HEXB: variants seen among roughly 807,000 people sequenced by gnomAD.
The protein encoded by HEXB is beta-hexosaminidase subunit beta.
A neutral mutation model predicts 71.2 loss-of-function variants in HEXB; 51 were observed. The observed-to-expected ratio is 0.72, with a 90% CI of 0.57 to 0.90. The LOEUF (loss-of-function observed/expected upper bound fraction) is 0.90, where lower values mean the gene tolerates loss of function less well. Among genes scored for constraint, HEXB ranks in the 40% least tolerant of loss-of-function variants. The probability of loss-of-function intolerance (pLI) is 0.00; values close to 1 mark genes in which losing one functional copy is unlikely to be tolerated. For missense variants in HEXB, 617 were observed against 677.0 expected (o/e 0.91, Z 0.98); for synonymous variants, 266 against 249.3 (o/e 1.07, Z -0.63).
At chr5:74,685,171 G>T, upstream of HEXB, 10 of 1,352,466 alleles carry the variant, frequency 7.4e-6, no homozygotes, top group Non-Finnish European at 8.6e-6. Context: ...TGACTCACCC[G>T]CGGCCGCGCT....
intron 1 of HEXB, chr5:74,640,716 C>T (rs1430143917): frequency 6.6e-6 from 1 of 152,558 alleles, no homozygotes; most frequent in East Asian, 1.9e-4. Context: ...CTCCGGCTGC[C>T]AGAGCAGTCT....
chr5:74,718,141 T>A, intron 9 of HEXB, 150 bp from the exon 10 acceptor site: 1 of 650,482 alleles, frequency 1.5e-6, no homozygotes, highest in Non-Finnish European at 2.8e-6. Context: ...CTTGTGACAC[T>A]TCCCAACTTG....
intron 1 of HEXB, among the ~76,000 whole-genome samples, chr5:74,656,662 T>C (rs1027752828): frequency 1.1e-4 from 16 of 152,204 alleles, no homozygotes; most frequent in Non-Finnish European, 1.8e-4. Context: ...TGTAGTGCAG[T>C]GGCATGATCT....
chr5:74,696,799 T>G (rs1396186111), intron 4 of HEXB, 60 bp downstream of exon 4: 1 of 909,366 alleles, frequency 1.1e-6, no homozygotes, highest in African/African-American at 1.7e-5. Context: ...TAGAAAAAAA[T>G]GTAACCTGTT....
intron 11 of HEXB, among the ~76,000 whole-genome samples, chr5:74,719,748 C>G (rs1749773387): frequency 6.6e-6 from 1 of 152,034 alleles, no homozygotes; most frequent in South Asian, 2.1e-4. Flanking sequence ...TCAAGACCAG[C>G]CTGCCTAAGA....
intron 2 of HEXB, 155 bp from the exon 3 acceptor site, chr5:74,693,484 C>A: frequency 1.4e-6 from 1 of 696,020 alleles, no homozygotes; most frequent in East Asian, 2.7e-5. Context: ...TGCAGGACAT[C>A]CAAATGGAGA....
At chr5:74,683,449 G>A (rs1459390888), upstream of HEXB, among the ~76,000 whole-genome samples, 8 of 152,090 alleles carry the variant, frequency 5.3e-5, no homozygotes, top group South Asian at 6.2e-4. Context: ...GATTACGGGC[G>A]TGTGCCAGCA....
At chr5:74,676,724 C>T (rs545229463) in intron 1 of HEXB, among the ~76,000 whole-genome samples, 2 of 152,016 alleles carry the variant, frequency 1.3e-5, no homozygotes, top group African/African-American at 2.4e-5. Context: ...TGAGATTGCA[C>T]CACTTCACTC....
At chr5:74,720,905 G>GACTT (rs1444438742) in intron 13 of HEXB, 158 bp downstream of exon 13, 1 of 779,480 alleles carries the variant, frequency 1.3e-6, no homozygotes, top group Non-Finnish European at 2.2e-6. Flanking sequence ...GATATATTCA[G>GACTT]ACTTGTGACT....
intron 2 of HEXB, among the ~76,000 whole-genome samples, chr5:74,693,013 A>G (rs188435930): frequency 1.3e-5 from 2 of 152,342 alleles, no homozygotes; most frequent in East Asian, 1.9e-4. Context: ...ACAAAGCTGA[A>G]TTATTTTTAT....
intron 8 of HEXB, 128 bp from the exon 9 acceptor site, chr5:74,716,456 GCTT>G (rs1369475150): frequency 1.7e-6 from 1 of 591,942 alleles, no homozygotes. Flanking sequence ...AAGTTTTTAG[GCTT>G]CTTTTTACTA....
Position 74,661,998 on chromosome 5 carries a change from G to A in HEXB, c.-377+21440G>A, listed in dbSNP as rs987705842. Among the ~76,000 whole-genome samples the A allele has an allele frequency of 2.6e-5, 4 of 152,142 alleles. No individual in the cohort carries two copies. In the East Asian group the frequency reaches 7.7e-4, roughly 29 times the overall value. The stretch of plus-strand genomic sequence containing the variant: ...CTTTATGACAACCCTACGATTACGA[G>A]AGGAATAGATACTCTTTCCAGAATG... On this transcript the variant is annotated intron_variant, in intron 1 of 13. Transcript: ENST00000511181.
chr5:74,685,004 C>T (rs1748821820), upstream of HEXB: 1 of 494,190 alleles, frequency 2.0e-6, no homozygotes. Flanking sequence ...TTACTTTAGC[C>T]ATCCCGTGTT....
chr5:74,652,331 T>C lies in HEXB; in HGVS notation c.-377+11773T>C, dbSNP rs1748128835. Among the ~76,000 whole-genome samples the C allele has an allele frequency of 6.6e-6, 1 of 152,074 alleles. No individual in the cohort carries two copies. On this transcript the variant is annotated intron_variant, in intron 1 of 13. Transcript: ENST00000511181. This position sits in a 1 kb window ranked among gnomAD's most constrained non-coding sequence, Gnocchi z 5.4. ...GCAGAATCCAGACCCCTCGCTTTCTTTTTCAGAGCTGTGCTCTCCTAGTGT... is the reference window on the plus strand; with the variant it reads ...GCAGAATCCAGACCCCTCGCTTTCTCTTTCAGAGCTGTGCTCTCCTAGTGT...
rs1309123671 is a variant in HEXB, at chr5:74,718,363, G to A, written c.1242G>A (p.Lys414=). The A allele has an allele frequency of 1.9e-6, 3 of 1,601,510 alleles. No individual in the cohort carries two copies. Among genetic ancestry groups the A allele is most frequent in the African/African-American group, 1.3e-5 (1 of 74,638 alleles). ...AGGAGGTTTTTGATGATAAAGCAAA[G>A]GTGAGCATTGTGAAGACTGCATCTG... ...VWQEVFDDKA[K]LAPGTIVEVW... The change falls in exon 10 of 14, where the codon AAG becomes AAA. Residue 414 remains lysine (K), a splice_region_variant and synonymous_variant. Transcript: ENST00000261416.
chr5:74,654,909 C>A (rs977263392), intron 1 of HEXB, among the ~76,000 whole-genome samples: 15 of 152,148 alleles, frequency 9.9e-5, no homozygotes, highest in African/African-American at 3.6e-4. Flanking sequence ...ATGCCATTGA[C>A]TGGGACAGCG....
rs1395527567 is a variant in HEXB at position 74,697,091 on chromosome 5, T to A, written c.654T>A (p.Ile218=). Residue 218 remains isoleucine, a synonymous_variant, in exon 5 of 14, where the codon ATT becomes ATA. Transcript: ENST00000261416. ...DTSRHYLPVK[I]ILKTLDAMAF... is the part of the protein sequence containing the mutation. Reference sequence around the variant, plus strand: ...CCAGACATTATCTGCCAGTTAAGATTATTCTTAAAACTCTGGTAAGTAATT... The same window carrying A: ...CCAGACATTATCTGCCAGTTAAGATAATTCTTAAAACTCTGGTAAGTAATT... 3 of 1,475,344 alleles carry A rather than the reference T, an allele frequency of 2.0e-6. No homozygotes were observed. The South Asian group carries it at 3.4e-5, about 17-fold the overall frequency. The allele number at this position is 1,475,344 out of a possible 1,614,324, so 91.4% of individuals were successfully genotyped here.
At chr5:74,706,456 G>A (rs1749391535) in intron 6 of HEXB, among the ~76,000 whole-genome samples, 2 of 152,200 alleles carry the variant, frequency 1.3e-5, no homozygotes, top group South Asian at 4.1e-4. Flanking sequence ...AGGACAGTGG[G>A]TGCAGCGCAT....
At chr5:74,683,064 G>C (rs549095363), upstream of HEXB, among the ~76,000 whole-genome samples, 2 of 152,288 alleles carry the variant, frequency 1.3e-5, no homozygotes, top group South Asian at 4.1e-4. Flanking sequence ...TGGTAATAGA[G>C]AGGAGAAACC....
Sources: allele counts gnomAD v4.1 joint callset (sites outside exome capture counted in the v4.1 genomes callset), GRCh38; gene constraint gnomAD v4.1.1; non-coding constraint Gnocchi (gnomAD v3.1); transcripts MANE v1.5; gene names NCBI Gene and HGNC (gene_info 2026-07-23, HGNC 2026-07-21).